Variants in USP54 observed in about 807,000 individuals in gnomAD.
The protein encoded by USP54 is ubiquitin carboxyl-terminal hydrolase 54.
Under a neutral mutation model 170.5 loss-of-function variants are expected in USP54, and 87 were observed. The observed-to-expected ratio is 0.51, with a 90% CI of 0.43 to 0.61. The LOEUF (loss-of-function observed/expected upper bound fraction) is 0.61. Among genes scored for constraint, USP54 ranks in the 20% least tolerant of loss-of-function variants. The probability of loss-of-function intolerance (pLI) is 0.00; values close to 1 mark genes in which losing one functional copy is unlikely to be tolerated. For missense variants in USP54, 1,786 were observed against 2,047.8 expected (o/e 0.87, Z 2.47); for synonymous variants, 655 against 742.8 (o/e 0.88, Z 1.92).
intron 1 of USP54, among the ~76,000 whole-genome samples, chr10:73,611,997 G>C (rs1265930818): frequency 6.6e-6 from 1 of 151,718 alleles, no homozygotes; most frequent in African/African-American, 2.4e-5. Flanking sequence ...TATAGTCCCA[G>C]CTACTCGGGA....
In USP54 at chr10:73,575,950, A is replaced by G. The variant is rs970863024; in HGVS notation, c.-170T>C. On this transcript the variant is annotated 5_prime_UTR_variant, in exon 2 of 24. It removes the in-frame stop codon of an upstream open reading frame in the 5' UTR. Coordinates refer to ENST00000687698, the MANE Select transcript of USP54 (RefSeq NM_001391956.1). ...AAATCCTTAAGTATTGCTTCCTTCT[A>G]TTTTTCTTGAACAGCCTCCATAAAG... The G allele has an allele frequency of 2.0e-5, 4 of 204,696 alleles. No individual in the cohort carries two copies. The highest frequency in any genetic ancestry group is 5.9e-5 in the Admixed American group (1 of 17,054). The allele number at this position is 204,696 out of a possible 1,614,324, so 12.7% of individuals were successfully genotyped here. A position where few individuals can be genotyped will look rare whatever the true frequency, so the allele number is the denominator to read the frequency against.
At chr10:73,562,984 A>G (rs1238718065) in intron 4 of USP54, among the ~76,000 whole-genome samples, 2 of 152,044 alleles carry the variant, frequency 1.3e-5, no homozygotes, top group African/African-American at 4.8e-5. Flanking sequence ...GATAGACCCT[A>G]TCTGTCACTC....
rs998793953 is a variant in USP54, at chr10:73,556,335, C to CT, written c.241-10664dup. Reference sequence around the variant, plus strand: ...ATTAATAATGAACAATGGGTAATTTCTTTTTTTTTCTTTTTTTTTTTTTTT... The same window carrying CT: ...ATTAATAATGAACAATGGGTAATTTCTTTTTTTTTTCTTTTTTTTTTTTTTT... On this transcript the variant is annotated intron_variant, in intron 4 of 23. Transcript: ENST00000687698. 3.0e-4 allele frequency among the ~76,000 whole-genome samples: 43 copies of CT among 145,606 alleles called. No individual in the cohort carries two copies. In the East Asian group the frequency reaches 3.2e-3, roughly 11 times the overall value.
intron 20 of USP54, among the ~76,000 whole-genome samples, chr10:73,512,755 A>G (rs1465231454): frequency 6.6e-6 from 1 of 152,204 alleles, no homozygotes; most frequent in Non-Finnish European, 1.5e-5. Flanking sequence ...TCTTTACACT[A>G]CTAGACAAAA....
At chr10:73,500,622 T>G in intron 23 of USP54, 33 bp downstream of exon 23, 1 of 1,555,468 alleles carries the variant, frequency 6.4e-7, no homozygotes, top group Non-Finnish European at 8.7e-7. Context: ...GGTACCAAAT[T>G]CTGGCATATA....
intron 20 of USP54, among the ~76,000 whole-genome samples, chr10:73,508,951 C>A: frequency 6.6e-6 from 1 of 150,514 alleles, no homozygotes; most frequent in Non-Finnish European, 1.5e-5. Context: ...AGGTGTGAGC[C>A]AGTGCACCCG....
chr10:73,551,082 C>T (rs1022306601), intron 4 of USP54, among the ~76,000 whole-genome samples: 7 of 152,060 alleles, frequency 4.6e-5, no homozygotes, highest in Non-Finnish European at 7.4e-5. Context: ...CCAGCCTGGG[C>T]GACAGAGCAA....
intron 15 of USP54, 112 bp downstream of exon 15, chr10:73,529,568 A>G (rs566989977): frequency 3.4e-6 from 4 of 1,181,356 alleles, no homozygotes; most frequent in Non-Finnish European, 2.5e-6. Flanking sequence ...GAGCACATAG[A>G]GATAATAGCA....
At chr10:73,580,213 G>A (rs1016164876) in intron 1 of USP54, among the ~76,000 whole-genome samples, 87 of 151,446 alleles carry the variant, frequency 5.7e-4, no homozygotes, top group African/African-American at 2.0e-3. Context: ...AGCTCCTAGG[G>A]GGCATTGAGG....
At chr10:73,521,124 A>T in intron 17 of USP54, 97 bp from the exon 18 acceptor site, 1 of 1,512,324 alleles carries the variant, frequency 6.6e-7, no homozygotes, top group Non-Finnish European at 9.0e-7. Context: ...CTTGCTGCTG[A>T]GCCACTGGTC....
chr10:73,589,278 C>T (rs560542282), intron 1 of USP54, among the ~76,000 whole-genome samples: 3 of 152,178 alleles, frequency 2.0e-5, no homozygotes, highest in African/African-American at 4.8e-5. Context: ...AAAATCATAT[C>T]GCATCTAAAT....
rs549764733 is a variant in USP54 at position 73,621,594 on chromosome 10, C to T, written c.-18+3973G>A. On this transcript the variant is annotated intron_variant, in intron 1 of 22. Coordinates refer to the USP54 transcript ENST00000339859. ...CAGCCTGGGCGACACAGGGACACTC[C>T]GTCTCAAAAAAAAAAAAAAAAAAAA... Among the ~76,000 whole-genome samples, 91 of 131,832 alleles carry T rather than the reference C, an allele frequency of 6.9e-4. 1 individual carries two copies. The East Asian group carries it at 0.022, about 32-fold the overall frequency. 86.5% of individuals were successfully genotyped at this position (131,832 alleles called of 152,430 possible).
intron 22 of USP54, chr10:73,504,634 G>T: frequency 1.6e-6 from 1 of 623,956 alleles, no homozygotes; most frequent in Non-Finnish European, 2.7e-6. Flanking sequence ...CAACACGCAC[G>T]GCCTTTCAGA....
chr10:73,520,886 C>A, intron 18 of USP54, 22 bp downstream of exon 18: 1 of 1,613,978 alleles, frequency 6.2e-7, no homozygotes, highest in East Asian at 2.2e-5. Context: ...GTGCCACAGC[C>A]ATAGCAGTTA....
At chr10:73,508,565 G>T (rs2059616961) in intron 20 of USP54, among the ~76,000 whole-genome samples, 1 of 151,944 alleles carries the variant, frequency 6.6e-6, no homozygotes, top group Non-Finnish European at 1.5e-5. Context: ...GAAATACAAA[G>T]AACTTCCTAT....
chr10:73,615,838 T>C, intron 1 of USP54, among the ~76,000 whole-genome samples: 1 of 145,304 alleles, frequency 6.9e-6, no homozygotes. Context: ...GACGATCACC[T>C]GAGCTTGGGA....
intron 4 of USP54, among the ~76,000 whole-genome samples, chr10:73,567,888 T>A (rs549619994): frequency 2.0e-5 from 3 of 152,284 alleles, no homozygotes; most frequent in African/African-American, 7.2e-5. Flanking sequence ...CAGTGATGAA[T>A]TGTATTATTT....
chr10:73,612,421 T>G (rs1381089801), intron 1 of USP54, among the ~76,000 whole-genome samples: 1 of 152,190 alleles, frequency 6.6e-6, no homozygotes, highest in Non-Finnish European at 1.5e-5. Flanking sequence ...TCCTAGAATT[T>G]TCCTCATGTC....
chr10:73,567,540 T>C (rs112258374), intron 4 of USP54, among the ~76,000 whole-genome samples: 5,359 of 152,024 alleles, frequency 0.035, 150 homozygotes, highest in South Asian at 0.11. Context: ...GGCGTGGTAG[T>C]GGGTGCCTGT....
Sources: gnomAD v4.1 joint callset for allele counts (sites outside exome capture counted in the v4.1 genomes callset) on GRCh38, gnomAD v4.1.1 for gene constraint, MANE v1.5 for transcripts, NCBI Gene and HGNC (gene_info 2026-07-23, HGNC 2026-07-21) for gene names.